SLC2A14: variants seen among roughly 807,000 people sequenced by gnomAD.
SLC2A14 encodes the protein solute carrier family 2 member 14.
Under a neutral mutation model 43.0 loss-of-function variants are expected in SLC2A14, and 13 were observed. The observed-to-expected ratio is 0.30, with a 90% CI of 0.20 to 0.48. The LOEUF (loss-of-function observed/expected upper bound fraction) is 0.48, where lower values mean the gene tolerates loss of function less well. Among genes scored for constraint, SLC2A14 ranks in the 20% least tolerant of loss-of-function variants. SLC2A14 has a pLI of 0.99. For missense variants in SLC2A14, 428 were observed against 620.4 expected, an observed-to-expected ratio of 0.69 and a Z score of 3.29; for synonymous variants, 190 against 233.8, an observed-to-expected ratio of 0.81 and a Z score of 1.71.
chr12:7,839,845 G>T (rs551608411), intron 2 of SLC2A14: 1 of 447,696 alleles, frequency 2.2e-6, no homozygotes, highest in Non-Finnish European at 4.4e-6. Flanking sequence ...AGGTCAAGGC[G>T]GGAGGATCGC....
At chr12:7,844,155 A>C (rs1490950561) in intron 2 of SLC2A14, among the ~76,000 whole-genome samples, 2 of 152,164 alleles carry the variant, frequency 1.3e-5, no homozygotes, top group Admixed American at 1.3e-4. Context: ...GTTCCAGTCT[A>C]TAGCCTCCTT....
At chr12:7,876,280 CAAAAAAAA>C (rs59935166), upstream of SLC2A14, among the ~76,000 whole-genome samples, 2 of 68,208 alleles carry the variant, frequency 2.9e-5, no homozygotes, top group African/African-American at 5.8e-5. Context: ...AACTCCATCT[CAAAAAAAA>C]AAAAAAAAAA....
intron 2 of SLC2A14, among the ~76,000 whole-genome samples, chr12:7,844,294 C>T (rs11056079): frequency 0.5 from 76,588 of 151,808 alleles, 19,335 homozygotes; most frequent in Middle Eastern, 0.62. Context: ...ATCGTGTCTA[C>T]GAGTACTATG....
chr12:7,839,392 G>A (rs991524304), intron 2 of SLC2A14, among the ~76,000 whole-genome samples: 3 of 151,956 alleles, frequency 2.0e-5, no homozygotes, highest in African/African-American at 7.3e-5. Context: ...GTCAAAAGGC[G>A]GATTTGGCAG....
chr12:7,879,415 C>T (rs1467235039), intron 1 of SLC2A14, among the ~76,000 whole-genome samples: 1 of 151,900 alleles, frequency 6.6e-6, no homozygotes, highest in Non-Finnish European at 1.5e-5. Flanking sequence ...GGTGCTATGG[C>T]TTATGCCTGT....
chr12:7,879,653 C>T (rs902955228), intron 1 of SLC2A14, among the ~76,000 whole-genome samples: 1 of 151,934 alleles, frequency 6.6e-6, no homozygotes, highest in African/African-American at 2.4e-5. Context: ...CACTGCACTC[C>T]AGCCTGGGCA....
chr12:7,826,865 C>CTT (rs1491388910), intron 7 of SLC2A14, among the ~76,000 whole-genome samples: 15 of 15,480 alleles, frequency 9.7e-4, no homozygotes, highest in Middle Eastern at 0.028. Flanking sequence ...TTTCTTTTTT[C>CTT]TTTCTTTCTT....
chr12:7,842,710 C>T (rs1866072207), intron 2 of SLC2A14, among the ~76,000 whole-genome samples: 1 of 149,782 alleles, frequency 6.7e-6, no homozygotes, highest in South Asian at 2.2e-4. Flanking sequence ...CACATCTACT[C>T]TTTCTTTTTC....
chr12:7,842,877 T>C (rs890011827), intron 2 of SLC2A14, among the ~76,000 whole-genome samples: 32 of 152,024 alleles, frequency 2.1e-4, no homozygotes, highest in Admixed American at 2.6e-4. Context: ...TACAGCCATG[T>C]GCCACCACAC....
chr12:7,863,739 T>A (rs1944746743), intron 2 of SLC2A14, among the ~76,000 whole-genome samples: 1 of 152,150 alleles, frequency 6.6e-6, no homozygotes, highest in Admixed American at 6.6e-5. Context: ...CTTTTGGCTT[T>A]GGAAGCCAAA....
In SLC2A14 at chr12:7,886,151, C is replaced by CTTTTTT. The variant is rs3044922; in HGVS notation, c.132+4839_132+4844dup. Among the ~76,000 whole-genome samples, 14 of 44,730 alleles carry CTTTTTT rather than the reference C, an allele frequency of 3.1e-4. 1 individual carries two copies. Among genetic ancestry groups the CTTTTTT allele is most frequent in the Non-Finnish European group, 3.9e-4 (10 of 25,748 alleles). The allele number at this position is 44,730 out of a possible 152,430, so 29.3% of individuals were successfully genotyped here. A position where few individuals can be genotyped will look rare whatever the true frequency, so the allele number is the denominator to read the frequency against. On this transcript the variant is annotated intron_variant, in intron 1 of 9. Transcript: ENST00000539924. ...GGCATGTACCACCACGCCCGGACAG[C>CTTTTTT]TTTTTTTTTTTTTTTTTTTTTTTTT... is the stretch of plus-strand genomic sequence containing the variant.
chr12:7,871,335 C>T, intron 1 of SLC2A14: 1 of 923,348 alleles, frequency 1.1e-6, no homozygotes, highest in Non-Finnish European at 1.4e-6. Flanking sequence ...GTGGAGTTCA[C>T]CTGCATCCTC....
chr12:7,828,483 A>C (rs1209119831), intron 6 of SLC2A14, among the ~76,000 whole-genome samples: 1 of 152,102 alleles, frequency 6.6e-6, no homozygotes, highest in African/African-American at 2.4e-5. Context: ...CAGGAGGCGG[A>C]GGTTGCAGTG....
At chr12:7,855,946 C>T (rs995429477) in intron 2 of SLC2A14, among the ~76,000 whole-genome samples, 1 of 151,742 alleles carries the variant, frequency 6.6e-6, no homozygotes, top group East Asian at 1.9e-4. Flanking sequence ...ACAAAAGCTC[C>T]CTCTCAATGC....
chr12:7,840,148 G>C (rs1235921528), intron 2 of SLC2A14, among the ~76,000 whole-genome samples: 6 of 129,358 alleles, frequency 4.6e-5, no homozygotes, highest in African/African-American at 1.7e-4. Context: ...GGGGACTTCA[G>C]AGAGTTTGCT....
intron 1 of SLC2A14, chr12:7,870,904 A>G (rs12372273): frequency 0.69 from 956,298 of 1,385,508 alleles, 331,611 homozygotes; most frequent in East Asian, 0.97. Flanking sequence ...CCACAGCACA[A>G]GGGGCCACAT....
rs1203327434 is a variant in SLC2A14, at chr12:7,825,530, G to A, written c.864+1965C>T. Among the ~76,000 whole-genome samples, 4 of 150,274 alleles carry A rather than the reference G, an allele frequency of 2.7e-5. 1 individual carries two copies. Among genetic ancestry groups the A allele is most frequent in the South Asian group, 4.2e-4 (2 of 4,784 alleles). On this transcript the variant is annotated intron_variant, in intron 7 of 10. Transcript: ENST00000431042. Reference sequence around the variant, plus strand: ...TGTAATCCCAGCACTTTGGGAGGCCGAGGCGGGCAGATCACAAAGTCAGGA... The same window carrying A: ...TGTAATCCCAGCACTTTGGGAGGCCAAGGCGGGCAGATCACAAAGTCAGGA...
At chr12:7,822,085 A>T (rs955966706) in intron 7 of SLC2A14, among the ~76,000 whole-genome samples, 1 of 151,362 alleles carries the variant, frequency 6.6e-6, no homozygotes, top group African/African-American at 2.4e-5. Context: ...CGGCCTCCCA[A>T]AGTGCTGGGA....
chr12:7,823,723 A>AC (rs386375530), intron 7 of SLC2A14, among the ~76,000 whole-genome samples: 1 of 151,612 alleles, frequency 6.6e-6, no homozygotes, highest in African/African-American at 2.4e-5. Context: ...TCCGTCTCAA[A>AC]AAAAAAGAAA....
Sources: gnomAD v4.1 joint callset for allele counts (sites outside exome capture counted in the v4.1 genomes callset) on GRCh38, gnomAD v4.1.1 for gene constraint, MANE v1.5 for transcripts, NCBI Gene and HGNC (gene_info 2026-07-23, HGNC 2026-07-21) for gene names.